TXNDC12: variants seen among roughly 807,000 people sequenced by gnomAD.
TXNDC12 encodes the protein thioredoxin domain containing 12.
A neutral mutation model predicts 24.2 loss-of-function variants in TXNDC12; 22 were observed. That is an observed-to-expected ratio of 0.91 (90% CI 0.65 to 1.30). TXNDC12 has a LOEUF of 1.30. TXNDC12 is among the 50% of genes most tolerant of loss of function. The probability of loss-of-function intolerance (pLI) is 0.00; values close to 1 mark genes in which losing one functional copy is unlikely to be tolerated. For synonymous variants in TXNDC12, 58 were observed against 73.4 expected (o/e 0.79, Z 1.07); for missense variants, 184 against 205.8 (o/e 0.89, Z 0.65).
intron 2 of TXNDC12, among the ~76,000 whole-genome samples, chr1:52,040,070 C>A (rs1685957973): frequency 6.6e-6 from 1 of 152,010 alleles, no homozygotes; most frequent in Non-Finnish European, 1.5e-5. Context: ...GTAGCTGAGA[C>A]TACAGGTGCA....
At chr1:52,045,589 A>G (rs2809957) in intron 1 of TXNDC12, among the ~76,000 whole-genome samples, 8,382 of 152,068 alleles carry the variant, frequency 0.055, 285 homozygotes, top group East Asian at 0.13. Context: ...ATAAACTTCT[A>G]TTGTTTAAGC....
intron 2 of TXNDC12, among the ~76,000 whole-genome samples, chr1:52,031,408 T>C (rs1476941821): frequency 1.3e-5 from 2 of 152,016 alleles, no homozygotes; most frequent in Non-Finnish European, 2.9e-5. Context: ...TCCACCCGCC[T>C]TGGGCTCCTG....
At position 52,027,211 on chromosome 1, in the gene TXNDC12, C is replaced by T. The variant is rs559499568; in HGVS notation, c.285+64G>A. ...CTAATGAAGCTGTAATGAATATGCA[C>T]GAATGATACTAACTTTAAAAGTCTT... On this transcript the variant is annotated intron_variant, in intron 4 of 6. Coordinates refer to ENST00000371626, the MANE Select transcript of TXNDC12 (RefSeq NM_015913.4). 6.3e-5 allele frequency: 81 copies of T among 1,293,756 alleles called. No homozygotes were observed. In the African/African-American group the frequency reaches 9.2e-4, roughly 15 times the overall value. The allele number at this position is 1,293,756 out of a possible 1,614,324, so 80.1% of individuals were successfully genotyped here. A position where few individuals can be genotyped will look rare whatever the true frequency, so the allele number is the denominator to read the frequency against.
At chr1:52,054,954 C>G in intron 1 of TXNDC12, 46 bp downstream of exon 1, 1 of 1,390,054 alleles carries the variant, frequency 7.2e-7, no homozygotes, top group Non-Finnish European at 1.0e-6. Context: ...ATACTGGGAT[C>G]AGTATAGTAA....
chr1:52,021,999 A>G (rs1040106542), intron 6 of TXNDC12, among the ~76,000 whole-genome samples: 1 of 152,136 alleles, frequency 6.6e-6, no homozygotes, highest in African/African-American at 2.4e-5. Flanking sequence ...GTGAATCTCA[A>G]GATACAAGAA....
chr1:52,055,852 A>C (rs1686333825), upstream of TXNDC12: 1 of 152,238 alleles, frequency 6.6e-6, no homozygotes, highest in Admixed American at 6.5e-5. Flanking sequence ...CCAGGATATA[A>C]GTCACTGCAG....
intron 1 of TXNDC12, among the ~76,000 whole-genome samples, chr1:52,044,801 CT>C (rs775028713): frequency 6.6e-6 from 1 of 152,062 alleles, no homozygotes; most frequent in Non-Finnish European, 1.5e-5. Context: ...TGGTGAAACC[CT>C]GTCTCTACTA....
At chr1:52,044,095 GGCAA>G (rs1686043752) in intron 1 of TXNDC12, 1 of 152,166 alleles carries the variant, frequency 6.6e-6, no homozygotes, top group Non-Finnish European at 1.5e-5. Context: ...TCTAAACTCA[GGCAA>G]CTGAATCCTG....
At chr1:52,046,089 T>C (rs1342466402) in intron 1 of TXNDC12, among the ~76,000 whole-genome samples, 7 of 151,996 alleles carry the variant, frequency 4.6e-5, no homozygotes, top group African/African-American at 1.4e-4. Flanking sequence ...GGTGCATGCC[T>C]ATAGTCCTAG....
chr1:52,020,299 C>T lies in TXNDC12; in HGVS notation c.*634G>A, dbSNP rs992177387. On this transcript the variant is annotated 3_prime_UTR_variant, in exon 7 of 7. Coordinates refer to ENST00000371626, the MANE Select transcript of TXNDC12 (RefSeq NM_015913.4). ...GGGAAAGCATGCTTCCACCTGGAGC[C>T]GAGTCCAAGCACACAGCCAGTCCTG... 2.3e-5 allele frequency: 9 copies of T among 385,548 alleles called. No individual in the cohort carries two copies. The highest frequency in any genetic ancestry group is 1.8e-4 in the African/African-American group (9 of 48,656). The allele number at this position is 385,548 out of a possible 1,614,324, so 23.9% of individuals were successfully genotyped here. A position where few individuals can be genotyped will look rare whatever the true frequency, so the allele number is the denominator to read the frequency against.
chr1:52,037,251 T>A lies in TXNDC12; in HGVS notation c.158+4286A>T, dbSNP rs1685900338. ...TTTTGAGACAGAATTTCACTCTTGT[T>A]GCCTAGGCTGGAATGCAATGGCACG... On this transcript the variant is annotated intron_variant, in intron 2 of 6. Coordinates refer to ENST00000371626, the MANE Select transcript of TXNDC12 (RefSeq NM_015913.4). 2.0e-5 allele frequency among the ~76,000 whole-genome samples: 3 copies of A among 151,058 alleles called. No individual in the cohort carries two copies. The South Asian group carries it at 6.3e-4, about 32-fold the overall frequency.
chr1:52,028,451 CAT>C (rs1685705656), intron 3 of TXNDC12, 125 bp downstream of exon 3: 4 of 708,490 alleles, frequency 5.6e-6, no homozygotes, highest in Middle Eastern at 7.5e-4. Context: ...AAATCTATGT[CAT>C]ATGTTTCTTT....
chr1:52,041,935 A>G (rs547599591), intron 1 of TXNDC12, among the ~76,000 whole-genome samples: 1 of 152,264 alleles, frequency 6.6e-6, no homozygotes, highest in Non-Finnish European at 1.5e-5. Context: ...AAAGCAGGTC[A>G]TAACAAATCA....
At chr1:52,037,291 C>T (rs1297443102) in intron 2 of TXNDC12, among the ~76,000 whole-genome samples, 2 of 150,334 alleles carry the variant, frequency 1.3e-5, no homozygotes, top group African/African-American at 4.9e-5. Context: ...CAGCTCACTG[C>T]AACCTCCACC....
upstream of TXNDC12, chr1:52,055,325 C>T: frequency 2.0e-6 from 1 of 496,464 alleles, no homozygotes; most frequent in Non-Finnish European, 3.7e-6. Context: ...GGTACGAGAG[C>T]TGTTCTCGAG....
chr1:52,047,167 G>A (rs990263555), intron 1 of TXNDC12, among the ~76,000 whole-genome samples: 1 of 152,100 alleles, frequency 6.6e-6, no homozygotes, highest in Admixed American at 6.6e-5. Context: ...TTGGTGAGTC[G>A]GTGAGAGGAG....
At chr1:52,052,486 G>C (rs1457816932) in intron 1 of TXNDC12, 1 of 169,550 alleles carries the variant, frequency 5.9e-6, no homozygotes, top group Non-Finnish European at 1.5e-5. Flanking sequence ...TTCTCTTATG[G>C]CACGCACTCT....
At chr1:52,033,569 A>T in intron 2 of TXNDC12, 3 of 1,613,734 alleles carry the variant, frequency 1.9e-6, no homozygotes, top group South Asian at 1.1e-5. Context: ...CGTTCCACGG[A>T]GGCTCGCAGA....
intron 1 of TXNDC12, among the ~76,000 whole-genome samples, chr1:52,042,526 T>G (rs7517383): frequency 0.076 from 11,463 of 151,724 alleles, 528 homozygotes; most frequent in African/African-American, 0.13. Flanking sequence ...AGTGGTATGA[T>G]CTTGGCTCAC....
Sources: allele counts gnomAD v4.1 joint callset (sites outside exome capture counted in the v4.1 genomes callset), GRCh38; gene constraint gnomAD v4.1.1; transcripts MANE v1.5; gene names NCBI Gene and HGNC (gene_info 2026-07-23, HGNC 2026-07-21).